Variants in TLN1 observed in about 807,000 individuals in gnomAD.
TLN1 encodes talin-1.
Under a neutral mutation model 292.3 loss-of-function variants are expected in TLN1, and 56 were observed. The ratio of observed to expected loss-of-function variants is 0.19; its 90% CI spans 0.15 to 0.24. The LOEUF (loss-of-function observed/expected upper bound fraction) is 0.24. Ranked by LOEUF, TLN1 falls within the 10% of genes least tolerant of loss-of-function variation. TLN1 has a pLI of 1.00. For synonymous variants in TLN1, 1,119 were observed against 1,253.7 expected (o/e 0.89, Z 2.27); for missense variants, 2,433 against 3,248.2 (o/e 0.75, Z 6.10).
Position 35,704,028 on chromosome 9 carries a change from C to G in TLN1, c.6194G>C (p.Gly2065Ala). 6.2e-7 allele frequency: 1 copy of G among 1,613,392 alleles called. No individual in the cohort carries two copies. The change falls in exon 46 of 57, where the codon GGT (glycine) becomes GCT (alanine). Residue 2065 changes from glycine (G) to alanine (A), a missense_variant. Physicochemically the swap from Gly to Ala is moderately conservative, Grantham distance 60. This residue lies in a region of TLN1 where 1,384 missense variants were observed against 1,699.6 expected (regional missense o/e 0.81). Transcript: ENST00000314888. The surrounding 1 kb of genome is among the most constrained non-coding windows in gnomAD (Gnocchi z 6.9). ...ITRLADVVKL[G>A]AASLGAEDPE... ...GTCCTCAGCTCCCAGGCTGGCTGCA[C>G]CCAGCTTGACCACATCAGCGAGGCG...
chr9:35,722,032 G>A (rs1172585085), intron 9 of TLN1, 87 bp downstream of exon 9: 1 of 1,332,880 alleles, frequency 7.5e-7, no homozygotes, highest in African/African-American at 1.4e-5. Flanking sequence ...TGGGAGATGT[G>A]ACTGAGGGCA....
rs1825602138 is a variant in TLN1, at chr9:35,708,354, C to T, written c.4457G>A (p.Cys1486Tyr). Residue 1486 changes from cysteine (C) to tyrosine (Y), a missense_variant, in exon 34 of 57, where the codon TGT becomes TAT. This residue lies in a region of TLN1 where 1,384 missense variants were observed against 1,699.6 expected (regional missense o/e 0.81). Transcript: ENST00000314888. ...MACQSLGEPG[C>Y]TQAQVLSAAT... ...CCCTTGAGTTACCTGGGCCTGGGTA[C>T]AGCCAGGCTCTCCCAAACTCTGGCA... 1.2e-6 allele frequency: 2 copies of T among 1,608,088 alleles called. No homozygotes were observed. The highest frequency in any genetic ancestry group is 1.7e-6 in the Non-Finnish European group (2 of 1,176,738).
At position 35,711,030 on chromosome 9, in the gene TLN1, G is replaced by T. The variant is rs776822293; in HGVS notation, c.4072C>A (p.Pro1358Thr). 6.2e-6 allele frequency: 10 copies of T among 1,614,110 alleles called. No homozygotes were observed. Among genetic ancestry groups the T allele is most frequent in the Non-Finnish European group, 8.5e-6 (10 of 1,180,050 alleles). ...GCGTTATCACACTCCTTCTGGCCGG[G>T]TGCCTGCTGGGTGCACATAGTGATG... ...QLITMCTQQA[P>T]GQKECDNALR... Residue 1358 changes from proline to threonine, a missense_variant, in exon 31 of 57, where the codon CCC becomes ACC. By Grantham distance (38) the Pro-to-Thr change is conservative. Coordinates refer to ENST00000314888, the MANE Select transcript of TLN1 (RefSeq NM_006289.4).
intron 48 of TLN1, 129 bp downstream of exon 48, chr9:35,703,431 A>G: frequency 1.2e-6 from 1 of 867,542 alleles, no homozygotes; most frequent in East Asian, 2.5e-5. Flanking sequence ...TCAAAAAAAA[A>G]GTCTGGCGAT....
Position 35,700,333 on chromosome 9 carries a change from T to C in TLN1, c.6518A>G (p.Glu2173Gly), listed in dbSNP as rs1825442607. Residue 2173 changes from glutamate (E) to glycine (G), a missense_variant, in exon 49 of 57, where the codon GAA (glutamate) becomes GGA (glycine). Transcript: ENST00000314888. The stretch of plus-strand genomic sequence containing the variant: ...ACCCTTGGTCATTCGGATGAAGTCT[T>C]CTGGGGTAGAGGTCTTGGCAGGTGG... ...PEPPAKTSTP[E>G]DFIRMTKGIT... 1 of 1,610,224 alleles carries C rather than the reference T, an allele frequency of 6.2e-7. No individual in the cohort carries two copies. The highest frequency in any genetic ancestry group is 8.5e-7 in the Non-Finnish European group (1 of 1,176,708).
chr9:35,718,282 G>A (rs536668924), intron 17 of TLN1, among the ~76,000 whole-genome samples: 1 of 152,348 alleles, frequency 6.6e-6, no homozygotes, highest in East Asian at 1.9e-4. Flanking sequence ...AGGAGGCTGA[G>A]GAAGAAGTAC....
rs1336080433 is a variant in TLN1, at chr9:35,706,580, T to A, written c.5089-29A>T. On this transcript the variant is annotated intron_variant, in intron 38 of 56. Coordinates refer to ENST00000314888, the MANE Select transcript of TLN1 (RefSeq NM_006289.4). This position sits in a 1 kb window ranked among gnomAD's most constrained non-coding sequence, Gnocchi z 4.2. Reference sequence around the variant, plus strand: ...GGGAGGAAGTGGACATTAGCCCTGATGGTGACCTGCAATAGGACCCTCTGG... The same window carrying A: ...GGGAGGAAGTGGACATTAGCCCTGAAGGTGACCTGCAATAGGACCCTCTGG... 6.2e-7 allele frequency: 1 copy of A among 1,610,294 alleles called. No homozygotes were observed. Among genetic ancestry groups the A allele is most frequent in the Admixed American group, 1.7e-5 (1 of 59,940 alleles).
chr9:35,698,570 C>T lies in TLN1; in HGVS notation c.7188+47G>A, dbSNP rs754801812. On this transcript the variant is annotated intron_variant, in intron 54 of 56. Transcript: ENST00000314888. The surrounding 1 kb of genome is among the most constrained non-coding windows in gnomAD (Gnocchi z 5.3). Reference sequence around the variant, plus strand: ...CCTGGTCCATCCCCACTCCAGCCTTCTCAAGTCTCTCAAACTGAGAGAGAC... The same window carrying T: ...CCTGGTCCATCCCCACTCCAGCCTTTTCAAGTCTCTCAAACTGAGAGAGAC... 1.9e-6 allele frequency: 3 copies of T among 1,614,042 alleles called. No homozygotes were observed. The South Asian group carries it at 3.3e-5, about 18-fold the overall frequency.
At chr9:35,725,117 C>A in intron 3 of TLN1, 107 bp downstream of exon 3, 1 of 1,527,276 alleles carries the variant, frequency 6.5e-7, no homozygotes, top group Non-Finnish European at 9.0e-7. Flanking sequence ...AGGAAGAAAG[C>A]ATGGGGAGGG....
chr9:35,724,672 T>C lies in TLN1; in HGVS notation c.411A>G (p.Lys137=), dbSNP rs770552312. Residue 137 remains lysine (K), a synonymous_variant, in exon 5 of 57, where the codon AAA becomes AAG. Transcript: ENST00000314888. This position sits in a 1 kb window ranked among gnomAD's most constrained non-coding sequence, Gnocchi z 4.7. ...TTAAGGTCCCTGTTATTTCCTCCTTTTTCTCTTCCATCAGCTCTCGAACCA... is the reference window on the plus strand; with the variant it reads ...TTAAGGTCCCTGTTATTTCCTCCTTCTTCTCTTCCATCAGCTCTCGAACCA... The part of the protein sequence containing the change: ...YSLVRELMEE[K]KEEITGTLRK... 1.2e-6 allele frequency: 2 copies of C among 1,614,116 alleles called. No homozygotes were observed. Among genetic ancestry groups the C allele is most frequent in the African/African-American group, 2.7e-5 (2 of 74,948 alleles).
chr9:35,732,153 G>GC lies in TLN1; in HGVS notation c.-113dup, dbSNP rs1826093817. On this transcript the variant is annotated 5_prime_UTR_variant, in exon 1 of 57. Transcript: ENST00000314888. This position sits in a 1 kb window ranked among gnomAD's most constrained non-coding sequence, Gnocchi z 5.1. ...CGGGTCGCCCTCGGGCTCCGGCCTC[G>GC]CCCTCCCTTCGACACTCTCTCGGCC... 6.5e-6 allele frequency: 1 copy of GC among 153,512 alleles called. No homozygotes were observed. The highest frequency in any genetic ancestry group is 2.4e-5 in the African/African-American group (1 of 41,402). The allele number at this position is 153,512 out of a possible 1,614,324, so 9.5% of individuals were successfully genotyped here.
rs564802746 is a variant in TLN1 at position 35,699,513 on chromosome 9, C to G, written c.6769-52G>C. 6.4e-6 allele frequency: 10 copies of G among 1,570,236 alleles called. No homozygotes were observed. The African/African-American group carries it at 1.2e-4, about 19-fold the overall frequency. On this transcript the variant is annotated intron_variant, in intron 50 of 56. Transcript: ENST00000314888. This position sits in a 1 kb window ranked among gnomAD's most constrained non-coding sequence, Gnocchi z 4.0. Reference sequence around the variant, plus strand: ...AGAGCATCACATCTTAGGGTCTACCCTGATCTATGAAATAGGGCAGACCAT... The same window carrying G: ...AGAGCATCACATCTTAGGGTCTACCGTGATCTATGAAATAGGGCAGACCAT...
rs751989471 is a variant in TLN1, at chr9:35,714,417, C to G, written c.2986-44G>C. 1.3e-6 allele frequency: 2 copies of G among 1,584,236 alleles called. No homozygotes were observed. On this transcript the variant is annotated intron_variant, in intron 23 of 56. Transcript: ENST00000314888. The surrounding 1 kb of genome is among the most constrained non-coding windows in gnomAD (Gnocchi z 4.6). Reference sequence around the variant, plus strand: ...GTGGATGAAGTGTGCCATCCTCCCTCTGGGCTTGGGTACAAGGACTGATGA... The same window carrying G: ...GTGGATGAAGTGTGCCATCCTCCCTGTGGGCTTGGGTACAAGGACTGATGA...
intron 48 of TLN1, among the ~76,000 whole-genome samples, chr9:35,703,268 G>A (rs1349039447): frequency 6.6e-6 from 1 of 152,172 alleles, no homozygotes; most frequent in Non-Finnish European, 1.5e-5. Context: ...CTGCACTCCA[G>A]AAGGAGGGTG....
At position 35,717,786 on chromosome 9, in the gene TLN1, C is replaced by T; in HGVS notation, c.1996G>A (p.Asp666Asn). The change falls in exon 18 of 57, where the codon GAT (aspartate) becomes AAT (asparagine). Residue 666 changes from aspartate (D) to asparagine (N), a missense_variant and splice_region_variant. Physicochemically the swap from Asp to Asn is conservative, Grantham distance 23. Coordinates refer to ENST00000314888, the MANE Select transcript of TLN1 (RefSeq NM_006289.4). This position sits in a 1 kb window ranked among gnomAD's most constrained non-coding sequence, Gnocchi z 4.7. ...GESDTDPHFQ[D>N]ALMQLAKAVA... Reference sequence around the variant, plus strand: ...GCTTTGGCGAGCTGCATTAGCGCATCCTGTGAGAAAACAGCAGTTAGCATG... The same window carrying T: ...GCTTTGGCGAGCTGCATTAGCGCATTCTGTGAGAAAACAGCAGTTAGCATG... 1 of 1,593,756 alleles carries T rather than the reference C, an allele frequency of 6.3e-7. No homozygotes were observed. Among genetic ancestry groups the T allele is most frequent in the Non-Finnish European group, 8.6e-7 (1 of 1,164,486 alleles).
intron 1 of TLN1, among the ~76,000 whole-genome samples, chr9:35,727,934 G>C (rs1826006264): frequency 6.6e-6 from 1 of 152,226 alleles, no homozygotes; most frequent in South Asian, 2.1e-4. Flanking sequence ...GAACTGATCA[G>C]TGAATTGTGG....
At position 35,707,792 on chromosome 9, in the gene TLN1, T is replaced by G; in HGVS notation, c.4571A>C (p.Gln1524Pro). The change falls in exon 35 of 57, where the codon CAG (glutamine) becomes CCG (proline). Residue 1524 changes from glutamine (Q) to proline (P), a missense_variant. Gln to Pro is a moderately conservative substitution (Grantham distance 76, BLOSUM62 -1). Transcript: ENST00000314888. This position sits in a 1 kb window ranked among gnomAD's most constrained non-coding sequence, Gnocchi z 5.6. ...CACCTCCTTGGCTGACTGTACAAAC[T>G]GGCGCTTGGCAGTAGGATTGGTGGT... ...ARTTNPTAKR[Q>P]FVQSAKEVAN... 1 of 1,614,170 alleles carries G rather than the reference T, an allele frequency of 6.2e-7. No individual in the cohort carries two copies. The highest frequency in any genetic ancestry group is 8.5e-7 in the Non-Finnish European group (1 of 1,180,034).
intron 17 of TLN1, 131 bp downstream of exon 17, chr9:35,718,681 A>G (rs1387337200): frequency 1.1e-5 from 8 of 712,624 alleles, no homozygotes; most frequent in Non-Finnish European, 2.0e-5. Flanking sequence ...TACTAGTATC[A>G]TCCCCTGGAA....
chr9:35,698,161 G>A lies in TLN1; in HGVS notation c.7383C>T (p.Asn2461=), dbSNP rs765509173. The stretch of plus-strand genomic sequence containing the variant: ...GATTATCTGAGGCTCGCTTCACTGC[G>A]TTGCCAGCAGCCTGGGCAGAGAGAA... ...EAMKRLQAAG[N]AVKRASDNLV... Residue 2461 remains asparagine, a synonymous_variant, in exon 56 of 57, where the codon AAC becomes AAT. Coordinates refer to ENST00000314888, the MANE Select transcript of TLN1 (RefSeq NM_006289.4). This position sits in a 1 kb window ranked among gnomAD's most constrained non-coding sequence, Gnocchi z 5.3. 4.7e-5 allele frequency: 76 copies of A among 1,613,786 alleles called. No homozygotes were observed. Among genetic ancestry groups the A allele is most frequent in the African/African-American group, 6.7e-5 (5 of 74,940 alleles).
Sources: allele counts gnomAD v4.1 joint callset (sites outside exome capture counted in the v4.1 genomes callset), GRCh38; gene constraint gnomAD v4.1.1; regional missense constraint gnomAD v4.1.1; non-coding constraint Gnocchi (gnomAD v3.1); transcripts MANE v1.5; gene names NCBI Gene and HGNC (gene_info 2026-07-23, HGNC 2026-07-21).